Variants in GPATCH2L observed in about 807,000 individuals in gnomAD.
The protein encoded by GPATCH2L is G-patch domain containing 2 like.
A neutral mutation model predicts 57.4 loss-of-function variants in GPATCH2L; 31 were observed. That is an observed-to-expected ratio of 0.54 (90% CI 0.41 to 0.73). GPATCH2L has a LOEUF of 0.73. GPATCH2L is among the 30% of genes least tolerant of loss of function. The pLI, the probability that GPATCH2L is intolerant of heterozygous loss-of-function variation, is 0.00. For synonymous variants in GPATCH2L, 199 were observed against 210.7 expected, an observed-to-expected ratio of 0.94 and a Z score of 0.48; for missense variants, 481 against 599.9, an observed-to-expected ratio of 0.80 and a Z score of 2.07.
At chr14:76,182,782 G>A (rs2139730883) in intron 8 of GPATCH2L, among the ~76,000 whole-genome samples, 1 of 152,094 alleles carries the variant, frequency 6.6e-6, no homozygotes, top group East Asian at 1.9e-4. Context: ...GGGAAAGTCA[G>A]GTATGGAAGT....
intron 8 of GPATCH2L, among the ~76,000 whole-genome samples, chr14:76,184,033 T>G (rs915562742): frequency 9.0e-4 from 127 of 141,882 alleles, no homozygotes; most frequent in South Asian, 4.3e-3. Context: ...GGTGTGTGTG[T>G]GTGTGTGTGT....
At chr14:76,217,347 T>C (rs985711581), downstream of GPATCH2L, among the ~76,000 whole-genome samples, 1 of 152,206 alleles carries the variant, frequency 6.6e-6, no homozygotes, top group Non-Finnish European at 1.5e-5. Flanking sequence ...ACCCATGCTT[T>C]GTAACCTGGG....
intron 2 of GPATCH2L, among the ~76,000 whole-genome samples, chr14:76,235,460 C>T (rs983213043): frequency 5.9e-5 from 9 of 152,182 alleles, no homozygotes; most frequent in East Asian, 1.9e-4. Context: ...ATGCAAGACA[C>T]GCCTTTGCTT....
chr14:76,158,962 A>T lies in GPATCH2L; in HGVS notation c.662+3937A>T, dbSNP rs184842200. On this transcript the variant is annotated intron_variant, in intron 2 of 9. Transcript: ENST00000261530. ...TATTGGGATTGTTCTGTGTGGCTCCACAGGACAGAACTCAGGGATAGAGAG... is the reference window on the plus strand; with the variant it reads ...TATTGGGATTGTTCTGTGTGGCTCCTCAGGACAGAACTCAGGGATAGAGAG... Among the ~76,000 whole-genome samples the T allele has an allele frequency of 1.9e-4, 29 of 152,344 alleles. 1 individual carries two copies. Among genetic ancestry groups the T allele is most frequent in the African/African-American group, 6.5e-4 (27 of 41,586 alleles).
At chr14:76,188,593 T>G (rs1322227724) in intron 8 of GPATCH2L, among the ~76,000 whole-genome samples, 6 of 151,458 alleles carry the variant, frequency 4.0e-5, no homozygotes, top group Admixed American at 3.9e-4. Context: ...TCCTTATATA[T>G]TCTAATTATT....
At chr14:76,197,612 A>G (rs2040195329) in intron 9 of GPATCH2L, among the ~76,000 whole-genome samples, 1 of 152,196 alleles carries the variant, frequency 6.6e-6, no homozygotes, top group African/African-American at 2.4e-5. Flanking sequence ...AGTCAGTAGA[A>G]CAAATGGGCT....
At chr14:76,217,676 A>G (rs191541354), downstream of GPATCH2L, among the ~76,000 whole-genome samples, 6 of 152,314 alleles carry the variant, frequency 3.9e-5, no homozygotes, top group East Asian at 1.2e-3. Flanking sequence ...TGCAACTTAC[A>G]TCACAGATTA....
chr14:76,180,480 GA>G, intron 7 of GPATCH2L, among the ~76,000 whole-genome samples: 4 of 152,278 alleles, frequency 2.6e-5, no homozygotes, highest in Admixed American at 2.6e-4. Context: ...ATATCATGTG[GA>G]AAAAACTGTC....
chr14:76,232,450 C>T (rs1009626909), intron 2 of GPATCH2L, among the ~76,000 whole-genome samples: 1 of 152,166 alleles, frequency 6.6e-6, no homozygotes, highest in Admixed American at 6.5e-5. Context: ...CAGTTGCCCG[C>T]CACTGCCCCC....
At chr14:76,191,585 A>T (rs2039965747) in intron 8 of GPATCH2L, among the ~76,000 whole-genome samples, 1 of 152,010 alleles carries the variant, frequency 6.6e-6, no homozygotes, top group Admixed American at 6.6e-5. Context: ...TGCTCTAAGC[A>T]CCCAACTTCC....
At chr14:76,198,572 A>G (rs1227535349) in intron 9 of GPATCH2L, among the ~76,000 whole-genome samples, 1 of 152,144 alleles carries the variant, frequency 6.6e-6, no homozygotes, top group Non-Finnish European at 1.5e-5. Context: ...GAACCCAGCT[A>G]TTTGTGTGAG....
chr14:76,196,170 A>T, intron 9 of GPATCH2L, 198 bp downstream of exon 9: 1 of 691,794 alleles, frequency 1.4e-6, no homozygotes, highest in Non-Finnish European at 2.6e-6. Context: ...TCACTGTTAC[A>T]TGGCTATCTA....
At chr14:76,177,221 T>G (rs1006971655) in intron 6 of GPATCH2L, among the ~76,000 whole-genome samples, 1 of 152,084 alleles carries the variant, frequency 6.6e-6, no homozygotes, top group African/African-American at 2.4e-5. Context: ...AATTTTTGTA[T>G]TTTTTGTAGA....
At chr14:76,186,831 G>A (rs2039783959) in intron 8 of GPATCH2L, among the ~76,000 whole-genome samples, 1 of 152,054 alleles carries the variant, frequency 6.6e-6, no homozygotes, top group South Asian at 2.1e-4. Flanking sequence ...TCTTATGGGC[G>A]GCATGAAACA....
Position 76,211,861 on chromosome 14 carries a change from G to A in GPATCH2L, c.*10010G>A, listed in dbSNP as rs2040443795. 1.3e-5 allele frequency: 2 copies of A among 152,134 alleles called. No homozygotes were observed. Among genetic ancestry groups the A allele is most frequent in the African/African-American group, 4.8e-5 (2 of 41,424 alleles). 9.4% of individuals were successfully genotyped at this position (152,134 alleles called of 1,614,324 possible). A position where few individuals can be genotyped will look rare whatever the true frequency, so the allele number is the denominator to read the frequency against. On this transcript the variant is annotated 3_prime_UTR_variant, in exon 10 of 10. Transcript: ENST00000261530. ...CTAAATCTTTTGAAACTGCATAAAA[G>A]TGAAATAATTATGAGTTTTGGGCCA...
At chr14:76,230,965 G>A (rs1347837691) in intron 2 of GPATCH2L, among the ~76,000 whole-genome samples, 1 of 152,146 alleles carries the variant, frequency 6.6e-6, no homozygotes, top group East Asian at 1.9e-4. Flanking sequence ...CTAAATAGTG[G>A]CCTGTGCCAT....
At position 76,155,074 on chromosome 14, in the gene GPATCH2L, A is replaced by G. The variant is rs1259611813; in HGVS notation, c.662+49A>G. 5 of 1,484,528 alleles carry G rather than the reference A, an allele frequency of 3.4e-6. No individual in the cohort carries two copies. In the East Asian group the frequency reaches 1.1e-4, roughly 34 times the overall value. 92.0% of individuals were successfully genotyped at this position (1,484,528 alleles called of 1,614,324 possible). A position where few individuals can be genotyped will look rare whatever the true frequency, so the allele number is the denominator to read the frequency against. ...AAGATTTTCCTGGTTAATTTTTCCC[A>G]AAGTGCACATCCATGGTCTTAGTGG... On this transcript the variant is annotated intron_variant, in intron 2 of 9. Coordinates refer to ENST00000261530, the MANE Select transcript of GPATCH2L (RefSeq NM_017926.4).
intron 9 of GPATCH2L, among the ~76,000 whole-genome samples, chr14:76,197,735 C>G (rs2040199669): frequency 6.6e-6 from 1 of 152,148 alleles, no homozygotes; most frequent in Non-Finnish European, 1.5e-5. Flanking sequence ...GGGCCAGCTC[C>G]TAGCACTAAA....
At chr14:76,190,860 A>G (rs17579748) in intron 8 of GPATCH2L, among the ~76,000 whole-genome samples, 5,203 of 152,260 alleles carry the variant, frequency 0.034, 138 homozygotes, top group Admixed American at 0.077. Flanking sequence ...TGTATTTAGT[A>G]AAAGCTCCTT....
Sources: gnomAD v4.1 joint callset for allele counts (sites outside exome capture counted in the v4.1 genomes callset) on GRCh38, gnomAD v4.1.1 for gene constraint, MANE v1.5 for transcripts, NCBI Gene and HGNC (gene_info 2026-07-23, HGNC 2026-07-21) for gene names.